MAGI2: variants seen among roughly 807,000 people sequenced by gnomAD.
The protein encoded by MAGI2 is membrane-associated guanylate kinase, WW and PDZ domain-containing protein 2.
Under a neutral mutation model 133.3 loss-of-function variants are expected in MAGI2, and 35 were observed. That is an observed-to-expected ratio of 0.26 (90% CI 0.20 to 0.35). The LOEUF (loss-of-function observed/expected upper bound fraction) is 0.35, where lower values mean the gene tolerates loss of function less well. MAGI2 is among the 10% of genes least tolerant of loss of function. The pLI, the probability that MAGI2 is intolerant of heterozygous loss-of-function variation, is 1.00. For missense variants in MAGI2, 1,636 were observed against 1,863.4 expected, an observed-to-expected ratio of 0.88 and a Z score of 2.25; for synonymous variants, 729 against 710.6, an observed-to-expected ratio of 1.03 and a Z score of -0.41.
chr7:78,962,396 T>C (rs1466890676), intron 2 of MAGI2, among the ~76,000 whole-genome samples: 1 of 152,102 alleles, frequency 6.6e-6, no homozygotes, highest in Non-Finnish European at 1.5e-5. Context: ...ACTTTTGTTT[T>C]GTTTTACTTA....
chr7:78,156,424 C>T (rs530072957), intron 16 of MAGI2, among the ~76,000 whole-genome samples: 43 of 152,244 alleles, frequency 2.8e-4, no homozygotes, highest in African/African-American at 9.4e-4. Context: ...GTAAACTCTG[C>T]ACTACTCGAC....
intron 1 of MAGI2, among the ~76,000 whole-genome samples, chr7:79,408,529 TA>T (rs1258950775): frequency 6.6e-6 from 1 of 152,032 alleles, no homozygotes; most frequent in Non-Finnish European, 1.5e-5. Flanking sequence ...ATTGTTTCCA[TA>T]AGTGAGGGAT....
intron 6 of MAGI2, among the ~76,000 whole-genome samples, chr7:78,431,406 T>G (rs1383226113): frequency 2.0e-5 from 3 of 152,056 alleles, no homozygotes; most frequent in Non-Finnish European, 4.4e-5. Flanking sequence ...AAATTCAATA[T>G]GATTATCCTA....
intron 21 of MAGI2, among the ~76,000 whole-genome samples, chr7:78,033,871 C>T (rs1266930995): frequency 6.6e-6 from 1 of 152,008 alleles, no homozygotes; most frequent in Non-Finnish European, 1.5e-5. Flanking sequence ...ACCCTGTGTG[C>T]CAACCAAGGA....
chr7:78,336,249 A>G (rs2151165111), intron 9 of MAGI2, among the ~76,000 whole-genome samples: 1 of 152,336 alleles, frequency 6.6e-6, no homozygotes, highest in East Asian at 1.9e-4. Flanking sequence ...CACTGCTTCT[A>G]GAAACCTGGA....
rs367920302 is a variant in MAGI2 at position 79,367,858 on chromosome 7, C to CATAT, written c.301+85158_301+85161dup. Among the ~76,000 whole-genome samples, 87 of 87,130 alleles carry CATAT rather than the reference C, an allele frequency of 1.0e-3. 10 individuals carry two copies. Among genetic ancestry groups the CATAT allele is most frequent in the Middle Eastern group, 6.0e-3 (1 of 168 alleles). The allele number at this position is 87,130 out of a possible 152,430, so 57.2% of individuals were successfully genotyped here. A position where few individuals can be genotyped will look rare whatever the true frequency, so the allele number is the denominator to read the frequency against. ...CATATATATATGCTTATATATGTGA[C>CATAT]ATATATATATATATATATGTCATTG... On this transcript the variant is annotated intron_variant, in intron 1 of 21. Coordinates refer to ENST00000354212, the MANE Select transcript of MAGI2 (RefSeq NM_012301.4).
chr7:79,229,187 G>A (rs552470399), intron 1 of MAGI2, among the ~76,000 whole-genome samples: 1 of 150,450 alleles, frequency 6.6e-6, no homozygotes, highest in South Asian at 2.1e-4. Context: ...TTTATAGTTT[G>A]TATGGCTTAT....
At chr7:78,696,035 A>C (rs941254667) in intron 2 of MAGI2, among the ~76,000 whole-genome samples, 2 of 152,138 alleles carry the variant, frequency 1.3e-5, no homozygotes, top group Non-Finnish European at 2.9e-5. Flanking sequence ...TCCTGGGCTC[A>C]AGTGATTCTC....
At chr7:78,132,773 G>A in intron 18 of MAGI2, 116 bp downstream of exon 18, 1 of 1,474,170 alleles carries the variant, frequency 6.8e-7, no homozygotes, top group Non-Finnish European at 9.3e-7. Context: ...GGTATGCACG[G>A]CGATTTCTAC....
intron 21 of MAGI2, among the ~76,000 whole-genome samples, chr7:78,061,330 G>A (rs942908382): frequency 6.6e-6 from 1 of 151,516 alleles, no homozygotes; most frequent in Non-Finnish European, 1.5e-5. Context: ...GGCCTGAACT[G>A]GGACAGAATG....
At chr7:78,563,038 T>G (rs1349708525) in intron 3 of MAGI2, among the ~76,000 whole-genome samples, 1 of 151,864 alleles carries the variant, frequency 6.6e-6, no homozygotes, top group Non-Finnish European at 1.5e-5. Context: ...TGTAATTTCT[T>G]GCCAGAAAGT....
Position 79,034,785 on chromosome 7 carries a change from G to A in MAGI2, c.302-27579C>T, listed in dbSNP as rs530075224. Among the ~76,000 whole-genome samples, 12 of 145,540 alleles carry A rather than the reference G, an allele frequency of 8.2e-5. 1 individual carries two copies. In the East Asian group the frequency reaches 1.4e-3, roughly 17 times the overall value. On this transcript the variant is annotated intron_variant, in intron 1 of 21. Coordinates refer to ENST00000354212, the MANE Select transcript of MAGI2 (RefSeq NM_012301.4). ...ACGAAACCACTCACCCTTGTCCTTC[G>A]TCAAGGTAGAAATCTGCTTCAGCAG...
At chr7:79,029,894 T>C (rs951040230) in intron 1 of MAGI2, among the ~76,000 whole-genome samples, 1 of 152,118 alleles carries the variant, frequency 6.6e-6, no homozygotes, top group Non-Finnish European at 1.5e-5. Flanking sequence ...TTCCAAGCAA[T>C]TTCTTCACCA....
intron 3 of MAGI2, chr7:78,583,414 C>T (rs763178370): frequency 1.5e-5 from 3 of 201,676 alleles, no homozygotes; most frequent in South Asian, 6.4e-5. Context: ...AGGTGAATCG[C>T]GTGAACCTGG....
intron 6 of MAGI2, among the ~76,000 whole-genome samples, chr7:78,468,534 T>C (rs1296749488): frequency 2.0e-5 from 3 of 152,214 alleles, no homozygotes; most frequent in Non-Finnish European, 4.4e-5. Context: ...TATAAAATTA[T>C]TTCACAATGT....
chr7:78,425,710 C>A (rs1039533270), intron 6 of MAGI2, among the ~76,000 whole-genome samples: 3 of 152,198 alleles, frequency 2.0e-5, no homozygotes, highest in Non-Finnish European at 4.4e-5. Context: ...ACCTCACAAA[C>A]TTTCTTGGGC....
chr7:78,501,344 T>G (rs1330986636), intron 5 of MAGI2, among the ~76,000 whole-genome samples: 1 of 152,188 alleles, frequency 6.6e-6, no homozygotes, highest in Non-Finnish European at 1.5e-5. Context: ...TTAGTCATAA[T>G]TATAAGAGAT....
At chr7:79,056,584 A>G (rs1476545634) in intron 1 of MAGI2, among the ~76,000 whole-genome samples, 1 of 152,208 alleles carries the variant, frequency 6.6e-6, no homozygotes, top group Admixed American at 6.5e-5. Context: ...AAAGTTCCTC[A>G]GAGGCATTTC....
At chr7:78,618,469 A>G (rs1259517426) in intron 3 of MAGI2, 1 of 151,960 alleles carries the variant, frequency 6.6e-6, no homozygotes, top group Admixed American at 6.6e-5. Context: ...TATGCACCTA[A>G]TTATTCAAGG....
Sources: gnomAD v4.1 joint callset for allele counts (sites outside exome capture counted in the v4.1 genomes callset) on GRCh38, gnomAD v4.1.1 for gene constraint, MANE v1.5 for transcripts, NCBI Gene and HGNC (gene_info 2026-07-23, HGNC 2026-07-21) for gene names.